The following GRIA1 variants were observed in gnomAD, a reference collection of about 807,000 sequenced individuals.
GRIA1 encodes glutamate ionotropic receptor AMPA type subunit 1.
A neutral mutation model predicts 99.2 loss-of-function variants in GRIA1; 31 were observed. That is an observed-to-expected ratio of 0.31 (90% CI 0.23 to 0.42). The LOEUF (loss-of-function observed/expected upper bound fraction) is 0.42, where lower values mean the gene tolerates loss of function less well. GRIA1 is among the 10% of genes least tolerant of loss of function. The probability of loss-of-function intolerance (pLI) is 1.00; values close to 1 mark genes in which losing one functional copy is unlikely to be tolerated. For missense variants in GRIA1, 782 were observed against 1,157.5 expected, an observed-to-expected ratio of 0.68 and a Z score of 4.71; for synonymous variants, 438 against 432.4, an observed-to-expected ratio of 1.01 and a Z score of -0.16.
At chr5:153,741,604 A>C (rs968290661) in intron 11 of GRIA1, among the ~76,000 whole-genome samples, 1 of 152,222 alleles carries the variant, frequency 6.6e-6, no homozygotes, top group Non-Finnish European at 1.5e-5. Flanking sequence ...ATATACAACA[A>C]CATGGATGAA....
At chr5:153,666,253 G>A (rs1386372259) in intron 5 of GRIA1, among the ~76,000 whole-genome samples, 1 of 152,170 alleles carries the variant, frequency 6.6e-6, no homozygotes, top group Admixed American at 6.5e-5. Flanking sequence ...GGTACTGCTT[G>A]TGGACGCTGT....
At chr5:153,800,391 G>C (rs1765928713) in intron 14 of GRIA1, among the ~76,000 whole-genome samples, 1 of 152,170 alleles carries the variant, frequency 6.6e-6, no homozygotes, top group African/African-American at 2.4e-5. Context: ...GAGACATTTT[G>C]AGTGTTCTAA....
chr5:153,588,162 A>T (rs2149383231), intron 2 of GRIA1, among the ~76,000 whole-genome samples: 1 of 152,324 alleles, frequency 6.6e-6, no homozygotes, highest in African/African-American at 2.4e-5. Context: ...GTAGAGAATG[A>T]TGTGGGATCA....
intron 2 of GRIA1, among the ~76,000 whole-genome samples, chr5:153,572,941 T>TG (rs1307227197): frequency 6.6e-6 from 1 of 152,212 alleles, no homozygotes; most frequent in Non-Finnish European, 1.5e-5. Context: ...TGGGCCCTTG[T>TG]GAATGGGAAT....
At chr5:153,637,142 A>C (rs1209277243) in intron 2 of GRIA1, among the ~76,000 whole-genome samples, 1 of 152,244 alleles carries the variant, frequency 6.6e-6, no homozygotes, top group Non-Finnish European at 1.5e-5. Context: ...ATATAAATAC[A>C]ATAATAAATA....
chr5:153,534,521 T>C (rs748833387), intron 2 of GRIA1, among the ~76,000 whole-genome samples: 2 of 152,240 alleles, frequency 1.3e-5, no homozygotes, highest in Admixed American at 6.5e-5. Context: ...TTTCATTTCA[T>C]AAACCCCTCC....
At chr5:153,650,261 T>C in intron 3 of GRIA1, 69 bp from the exon 4 acceptor site, 5 of 1,411,306 alleles carry the variant, frequency 3.5e-6, no homozygotes, top group Non-Finnish European at 4.9e-6. Context: ...GGTAGGTGCC[T>C]GATGGGAGTG....
chr5:153,491,419 T>C, intron 1 of GRIA1: 2 of 550,588 alleles, frequency 3.6e-6, no homozygotes, highest in Non-Finnish European at 4.7e-6. Context: ...GGCAGTGCTT[T>C]CTCTGCTGGG....
intron 2 of GRIA1, among the ~76,000 whole-genome samples, chr5:153,600,557 G>A (rs1348989927): frequency 6.6e-6 from 1 of 152,062 alleles, no homozygotes; most frequent in African/African-American, 2.4e-5. Context: ...TGAAATTTCA[G>A]ACCACTATAC....
chr5:153,750,427 A>G (rs1339039147), intron 11 of GRIA1, among the ~76,000 whole-genome samples: 1 of 152,176 alleles, frequency 6.6e-6, no homozygotes, highest in Non-Finnish European at 1.5e-5. Context: ...GGCACACAGG[A>G]GGTGTCCCTT....
At chr5:153,700,625 A>G (rs1758447380) in intron 10 of GRIA1, among the ~76,000 whole-genome samples, 1 of 152,170 alleles carries the variant, frequency 6.6e-6, no homozygotes, top group African/African-American at 2.4e-5. Flanking sequence ...GTAGAAAGAC[A>G]ACAAAAGGCA....
At chr5:153,661,898 G>A (rs1755398861) in intron 5 of GRIA1, among the ~76,000 whole-genome samples, 1 of 152,184 alleles carries the variant, frequency 6.6e-6, no homozygotes, top group South Asian at 2.1e-4. Flanking sequence ...GTCCCCAACA[G>A]AAACTCAGCC....
intron 11 of GRIA1, among the ~76,000 whole-genome samples, chr5:153,725,291 T>C (rs954544906): frequency 4.0e-5 from 6 of 151,452 alleles, no homozygotes; most frequent in Non-Finnish European, 8.8e-5. Flanking sequence ...CACTGCAAAA[T>C]CATGCCAAAT....
At chr5:153,707,947 G>T (rs1377433288) in intron 11 of GRIA1, among the ~76,000 whole-genome samples, 2 of 152,116 alleles carry the variant, frequency 1.3e-5, no homozygotes, top group Admixed American at 1.3e-4. Flanking sequence ...CAGGCCCGTG[G>T]ATAAACAGTG....
intron 5 of GRIA1, among the ~76,000 whole-genome samples, chr5:153,667,362 G>A (rs1168194384): frequency 1.3e-5 from 2 of 152,178 alleles, no homozygotes; most frequent in African/African-American, 4.8e-5. Flanking sequence ...GAATCCCAGA[G>A]CAAAGGAAAT....
At chr5:153,538,218 A>G (rs1758760906) in intron 2 of GRIA1, among the ~76,000 whole-genome samples, 1 of 152,178 alleles carries the variant, frequency 6.6e-6, no homozygotes, top group Non-Finnish European at 1.5e-5. Flanking sequence ...AGTAGGGGGA[A>G]TTGTGCTCCC....
intron 5 of GRIA1, among the ~76,000 whole-genome samples, chr5:153,669,337 G>A (rs1485817929): frequency 6.6e-6 from 1 of 152,252 alleles, no homozygotes; most frequent in Non-Finnish European, 1.5e-5. Context: ...ATACAAAGGG[G>A]CATTTTTAGC....
chr5:153,596,309 C>T (rs533228717), intron 2 of GRIA1, among the ~76,000 whole-genome samples: 1 of 152,280 alleles, frequency 6.6e-6, no homozygotes, highest in Admixed American at 6.5e-5. Context: ...ATGCAAGATC[C>T]AGCCACTTTA....
intron 8 of GRIA1, among the ~76,000 whole-genome samples, chr5:153,696,716 A>G (rs1195736374): frequency 2.6e-5 from 4 of 152,208 alleles, no homozygotes; most frequent in Non-Finnish European, 1.5e-5. Flanking sequence ...CCCAATGCAT[A>G]TGCACTTCTA....
Sources: allele counts gnomAD v4.1 joint callset (sites outside exome capture counted in the v4.1 genomes callset), GRCh38; gene constraint gnomAD v4.1.1; transcripts MANE v1.5; gene names NCBI Gene and HGNC (gene_info 2026-07-23, HGNC 2026-07-21).